Variants in ANK3 observed in about 807,000 individuals in gnomAD.
The protein encoded by ANK3 is ankyrin 3.
A neutral mutation model predicts 370.9 loss-of-function variants in ANK3; 57 were observed. That is an observed-to-expected ratio of 0.15 (90% CI 0.12 to 0.19). ANK3 has a LOEUF of 0.19. Ranked by LOEUF, ANK3 falls within the 10% of genes least tolerant of loss-of-function variation. The pLI, the probability that ANK3 is intolerant of heterozygous loss-of-function variation, is 1.00. For synonymous variants in ANK3, 1,929 were observed against 1,946.3 expected (o/e 0.99, Z 0.23); for missense variants, 4,439 against 5,302.1 (o/e 0.84, Z 5.06).
intron 23 of ANK3, among the ~76,000 whole-genome samples, chr10:60,155,331 A>G (rs2095297715): frequency 6.6e-6 from 1 of 152,196 alleles, no homozygotes; most frequent in South Asian, 2.1e-4. Flanking sequence ...ACAGTGGAAC[A>G]CAGTACAGGA....
intron 25 of ANK3, among the ~76,000 whole-genome samples, chr10:60,120,546 A>C (rs1190664704): frequency 6.6e-6 from 1 of 152,158 alleles, no homozygotes; most frequent in Non-Finnish European, 1.5e-5. Context: ...GAATGGGAGA[A>C]TGTATTGACA....
intron 2 of ANK3, among the ~76,000 whole-genome samples, chr10:60,460,684 C>CA (rs1419444515): frequency 6.6e-6 from 1 of 151,978 alleles, no homozygotes; most frequent in African/African-American, 2.4e-5. Flanking sequence ...GTATTACCAC[C>CA]AAAAAAATTG....
intron 1 of ANK3, among the ~76,000 whole-genome samples, chr10:60,355,903 T>C (rs1434259036): frequency 1.3e-5 from 2 of 152,200 alleles, no homozygotes; most frequent in Non-Finnish European, 2.9e-5. Context: ...ATTCCTTTCT[T>C]GCCCTGCCAA....
chr10:60,081,901 A>T (rs2132006364), intron 35 of ANK3: 2 of 364,448 alleles, frequency 5.5e-6, no homozygotes, highest in Admixed American at 8.9e-5. Context: ...CATATTTAAA[A>T]ATGTTTAAAG....
rs1386068494 is a variant in ANK3 at position 60,071,728 on chromosome 10, A to G, written c.9153T>C (p.Ser3051=). The G allele has an allele frequency of 1.3e-5, 21 of 1,598,016 alleles. No homozygotes were observed. Among genetic ancestry groups the G allele is most frequent in the Non-Finnish European group, 1.8e-5 (21 of 1,174,116 alleles). The change falls in exon 37 of 44, where the codon TCT becomes TCC. Residue 3051 remains serine, a synonymous_variant. Coordinates refer to ENST00000280772, the MANE Select transcript of ANK3 (RefSeq NM_020987.5). The part of the protein sequence containing the change: ...TETSPTKSPD[S]LEFSPGKESP... ...ATTCCTTTCCTGGGCTAAACTCTAA[A>G]GAATCAGGAGATTTGGTGGGGGAGG...
intron 43 of ANK3, among the ~76,000 whole-genome samples, chr10:60,038,053 G>C (rs758128592): frequency 3.6e-4 from 55 of 152,218 alleles, no homozygotes; most frequent in East Asian, 1.9e-4. Context: ...CAGTGATGCT[G>C]AACTTTTATT....
chr10:60,181,151 G>A (rs541329922), intron 18 of ANK3, among the ~76,000 whole-genome samples, 178 bp downstream of exon 18: 172 of 152,290 alleles, frequency 1.1e-3, no homozygotes, highest in Non-Finnish European at 2.0e-3. Flanking sequence ...AAAGACAAAA[G>A]TCCCTGGAAT....
intron 42 of ANK3, among the ~76,000 whole-genome samples, chr10:60,054,016 T>C (rs2078629394): frequency 6.6e-6 from 1 of 152,214 alleles, no homozygotes; most frequent in South Asian, 2.1e-4. Context: ...TTTCCATTAC[T>C]GACAAACTCA....
At chr10:60,572,198 T>C (rs541630400) in intron 2 of ANK3, among the ~76,000 whole-genome samples, 8 of 152,234 alleles carry the variant, frequency 5.3e-5, no homozygotes, top group Middle Eastern at 3.2e-3. Context: ...TTAATAATCC[T>C]GAATATCACT....
rs754349234 is a variant in ANK3 at position 60,138,957 on chromosome 10, G to T, written c.2738+7C>A. The T allele has an allele frequency of 1.9e-6, 3 of 1,612,504 alleles. No individual in the cohort carries two copies. Among genetic ancestry groups the T allele is most frequent in the African/African-American group, 2.7e-5 (2 of 74,742 alleles). ...ATTAACTATGAAAGACAGCAACAAC[G>T]AAGTACCTGGCAGAACGCGCTCCGA... On this transcript the variant is annotated splice_region_variant and intron_variant, in intron 24 of 43. Coordinates refer to ENST00000280772, the MANE Select transcript of ANK3 (RefSeq NM_020987.5).
intron 18 of ANK3, among the ~76,000 whole-genome samples, chr10:60,175,750 C>T (rs9783131): frequency 0.098 from 14,865 of 152,202 alleles, 1,991 homozygotes; most frequent in African/African-American, 0.3. Context: ...GCCAGGAGCC[C>T]GGGCCTCAGA....
chr10:60,191,842 C>T (rs990451698), intron 16 of ANK3, among the ~76,000 whole-genome samples: 2 of 152,152 alleles, frequency 1.3e-5, no homozygotes, highest in South Asian at 2.1e-4. Flanking sequence ...GTAAAATCAA[C>T]CTTTGTGTCT....
intron 2 of ANK3, among the ~76,000 whole-genome samples, chr10:60,499,920 A>T (rs922869740): frequency 5.3e-5 from 8 of 152,176 alleles, no homozygotes; most frequent in African/African-American, 1.9e-4. Context: ...GCCCCATCCT[A>T]TATCTACTGA....
rs72806182 is a variant in ANK3, at chr10:60,428,126, G to A, written c.97-148487C>T. ...AAGGTTAATTAAATAGCATTTCCAT[G>A]CAGTGAGTCTAGGCAGTGAGCTCTT... is the stretch of plus-strand genomic sequence containing the variant. On this transcript the variant is annotated intron_variant, in intron 2 of 43. Transcript: ENST00000373827. Among the ~76,000 whole-genome samples, 804 of 152,264 alleles carry A rather than the reference G, an allele frequency of 5.3e-3. 4 individuals carry two copies. Among genetic ancestry groups the A allele is most frequent in the South Asian group, 9.5e-3 (46 of 4,824 alleles).
At chr10:60,368,383 T>C (rs535812728) in intron 1 of ANK3, among the ~76,000 whole-genome samples, 1 of 152,274 alleles carries the variant, frequency 6.6e-6, no homozygotes, top group South Asian at 2.1e-4. Flanking sequence ...TGATCTCCTA[T>C]CACCCCACAG....
intron 12 of ANK3, among the ~76,000 whole-genome samples, chr10:60,201,206 C>T (rs1201816059): frequency 1.3e-5 from 2 of 152,148 alleles, no homozygotes; most frequent in Non-Finnish European, 2.9e-5. Context: ...TCAGTGTTCC[C>T]TTTACGAATG....
chr10:60,114,148 T>A, intron 26 of ANK3, 77 bp downstream of exon 26: 1 of 685,094 alleles, frequency 1.5e-6, no homozygotes, highest in Non-Finnish European at 2.4e-6. Flanking sequence ...AGCTTGTTGA[T>A]GTGAATTTAT....
rs2083455753 is a variant in ANK3 at position 60,074,969 on chromosome 10, T to G, written c.5912A>C (p.Lys1971Thr). 1 of 1,613,916 alleles carries G rather than the reference T, an allele frequency of 6.2e-7. No homozygotes were observed. ...ILKKDVCVDN[K>T]GSPKSPKSDK... ...ACTCTTTGGTGATTTGGGTGATCCT[T>G]TATTATCTACACATACATCCTTTTT... The change falls in exon 37 of 44, where the codon AAA becomes ACA. Residue 1971 changes from lysine (K) to threonine (T), a missense_variant. This residue lies in a region of ANK3 where 679 missense variants were observed against 791.0 expected (regional missense o/e 0.86). Transcript: ENST00000280772.
chr10:60,702,664 C>T (rs2079560147), intron 1 of ANK3, among the ~76,000 whole-genome samples: 1 of 152,064 alleles, frequency 6.6e-6, no homozygotes, highest in Non-Finnish European at 1.5e-5. Context: ...TATAAGAGAT[C>T]TTCTCTTATA....
Sources: allele counts gnomAD v4.1 joint callset (sites outside exome capture counted in the v4.1 genomes callset), GRCh38; gene constraint gnomAD v4.1.1; regional missense constraint gnomAD v4.1.1; transcripts MANE v1.5; gene names NCBI Gene and HGNC (gene_info 2026-07-23, HGNC 2026-07-21).